Variants in SPATA12 observed in about 807,000 individuals in gnomAD.
SPATA12 encodes spermatogenesis associated 12, also known as spermatogenesis-associated protein 12.
For synonymous variants in SPATA12, 85 were observed against 89.2 expected (o/e 0.95, Z 0.26); for missense variants, 219 against 226.4 (o/e 0.97, Z 0.21).
chr3:57,071,404 G>A (rs950905028), intron 1 of SPATA12, among the ~76,000 whole-genome samples: 10 of 152,138 alleles, frequency 6.6e-5, no homozygotes, highest in Non-Finnish European at 1.3e-4. Flanking sequence ...GCTCATGCCT[G>A]TAATCCCAGC....
In SPATA12 at chr3:57,072,743, A is replaced by G. The variant is rs1289840415; in HGVS notation, c.-329-623A>G. On this transcript the variant is annotated intron_variant, in intron 1 of 1. Coordinates refer to ENST00000334325, the MANE Select transcript of SPATA12 (RefSeq NM_181727.2). ...GACTCTGTCAAAAAAAAAAAAAAAA[A>G]GAATAAAAATAAATAAAAACAAGCC... 9.0e-5 allele frequency among the ~76,000 whole-genome samples: 13 copies of G among 144,320 alleles called. No individual in the cohort carries two copies. In the East Asian group the frequency reaches 2.6e-3, roughly 28 times the overall value. The allele number at this position is 144,320 out of a possible 152,430, so 94.7% of individuals were successfully genotyped here.
intron 1 of SPATA12, among the ~76,000 whole-genome samples, chr3:57,062,265 T>G (rs1705262829): frequency 6.6e-6 from 1 of 152,088 alleles, no homozygotes. Flanking sequence ...GCTGGGTGAG[T>G]GCCTTCAAGC....
chr3:57,069,973 C>T (rs1400314355), intron 1 of SPATA12, among the ~76,000 whole-genome samples: 1 of 152,226 alleles, frequency 6.6e-6, no homozygotes, highest in African/African-American at 2.4e-5. Context: ...TGTGATATTA[C>T]TCCCTTTTTA....
chr3:57,071,555 G>A (rs1421842312), intron 1 of SPATA12, among the ~76,000 whole-genome samples: 1 of 151,750 alleles, frequency 6.6e-6, no homozygotes, highest in Non-Finnish European at 1.5e-5. Flanking sequence ...AGCTACTTGA[G>A]AGGCTGAGGC....
At position 57,074,156 on chromosome 3, in the gene SPATA12, G is replaced by A; in HGVS notation, c.462G>A (p.Glu154=). Residue 154 remains glutamate, a synonymous_variant, in exon 2 of 2, where the codon GAG becomes GAA. Coordinates refer to ENST00000334325, the MANE Select transcript of SPATA12 (RefSeq NM_181727.2). The part of the protein sequence containing the change: ...LWRLCEDIDA[E]PSSTGCSRSN... ...GACTGTGTGAGGATATAGATGCCGA[G>A]CCCAGTAGCACAGGGTGCAGCCGTT... The A allele has an allele frequency of 1.2e-6, 2 of 1,614,152 alleles. No individual in the cohort carries two copies. The highest frequency in any genetic ancestry group is 1.7e-6 in the Non-Finnish European group (2 of 1,180,034).
intron 1 of SPATA12, among the ~76,000 whole-genome samples, chr3:57,065,619 T>G (rs1705485187): frequency 6.6e-6 from 1 of 152,184 alleles, no homozygotes; most frequent in Non-Finnish European, 1.5e-5. Flanking sequence ...TAATTATACC[T>G]CAATAAAAAT....
At chr3:57,070,095 G>C (rs1705801151) in intron 1 of SPATA12, among the ~76,000 whole-genome samples, 1 of 152,204 alleles carries the variant, frequency 6.6e-6, no homozygotes, top group Admixed American at 6.5e-5. Flanking sequence ...TTGCCCAACA[G>C]ATAAAACAAG....
At chr3:57,068,790 GT>G (rs1373454133) in intron 1 of SPATA12, among the ~76,000 whole-genome samples, 1 of 151,968 alleles carries the variant, frequency 6.6e-6, no homozygotes, top group Non-Finnish European at 1.5e-5. Context: ...ATATCATTGT[GT>G]TTTTCCCCTA....
At chr3:57,067,803 C>A (rs1196097597) in intron 1 of SPATA12, among the ~76,000 whole-genome samples, 1 of 147,926 alleles carries the variant, frequency 6.8e-6, no homozygotes, top group Non-Finnish European at 1.5e-5. Flanking sequence ...CACGGTGAAA[C>A]CCCGTCTCTA....
intron 1 of SPATA12, among the ~76,000 whole-genome samples, chr3:57,065,282 T>G (rs897526443): frequency 6.6e-6 from 1 of 152,104 alleles, no homozygotes; most frequent in Non-Finnish European, 1.5e-5. Context: ...GCCAACATGG[T>G]GAAACCCTAT....
chr3:57,061,218 T>C lies in SPATA12; in HGVS notation c.-330+432T>C, dbSNP rs141537166. Among the ~76,000 whole-genome samples the C allele has an allele frequency of 3.9e-5, 6 of 152,334 alleles. No individual in the cohort carries two copies. In the East Asian group the frequency reaches 1.2e-3, roughly 29 times the overall value. On this transcript the variant is annotated intron_variant, in intron 1 of 1. Transcript: ENST00000334325. ...TCCAGGTACCCCCTGTAAGTGTCCT[T>C]TTGTGACTGACTTTTCTCATGTAGC...
At chr3:57,068,654 C>T (rs1208380627) in intron 1 of SPATA12, among the ~76,000 whole-genome samples, 1 of 152,150 alleles carries the variant, frequency 6.6e-6, no homozygotes, top group African/African-American at 2.4e-5. Flanking sequence ...CTCCCCACCC[C>T]CTTGGGAGAT....
Position 57,074,085 on chromosome 3 carries a change from G to T in SPATA12, c.391G>T (p.Gly131Cys). The change falls in exon 2 of 2, where the codon GGT (glycine) becomes TGT (cysteine). Residue 131 changes from glycine (G) to cysteine (C), a missense_variant. Coordinates refer to ENST00000334325, the MANE Select transcript of SPATA12 (RefSeq NM_181727.2). ...VIHNSTPQFL[G>C]MEDGDNERTT... ...TCATAACTCTACACCTCAATTTCTTGGTATGGAAGATGGGGATAATGAGAG... is the reference window on the plus strand; with the variant it reads ...TCATAACTCTACACCTCAATTTCTTTGTATGGAAGATGGGGATAATGAGAG... 6.2e-7 allele frequency: 1 copy of T among 1,614,022 alleles called. No homozygotes were observed. The highest frequency in any genetic ancestry group is 8.5e-7 in the Non-Finnish European group (1 of 1,179,906).
In SPATA12 at chr3:57,066,050, AAAC is replaced by A. The variant is rs984585693; in HGVS notation, c.-330+5265_-330+5267del. Among the ~76,000 whole-genome samples the A allele has an allele frequency of 3.1e-4, 29 of 93,008 alleles. No individual in the cohort carries two copies. In the East Asian group the frequency reaches 8.5e-3, roughly 27 times the overall value. The allele number at this position is 93,008 out of a possible 152,430, so 61.0% of individuals were successfully genotyped here. On this transcript the variant is annotated intron_variant, in intron 1 of 1. Coordinates refer to ENST00000334325, the MANE Select transcript of SPATA12 (RefSeq NM_181727.2). ...ACTCTGTCTCCAAAACAAAAAAAAA[AAAC>A]CCTAAAATGTAAGAAAAAATCCTTT... is the stretch of plus-strand genomic sequence containing the variant.
intron 1 of SPATA12, among the ~76,000 whole-genome samples, chr3:57,067,454 AAATAATAATAATAAT>A (rs10528636): frequency 5.0e-5 from 7 of 140,458 alleles, no homozygotes; most frequent in Non-Finnish European, 1.1e-4. Context: ...CTCTGTCTCA[AAATAATAATAATAAT>A]AATAATAATA....
intron 1 of SPATA12, among the ~76,000 whole-genome samples, chr3:57,070,716 T>C (rs957364754): frequency 1.3e-5 from 2 of 152,116 alleles, no homozygotes; most frequent in Non-Finnish European, 2.9e-5. Flanking sequence ...CCCAGCACTT[T>C]GGCAGGCCAA....
At chr3:57,071,481 G>A (rs1705899476) in intron 1 of SPATA12, among the ~76,000 whole-genome samples, 1 of 152,016 alleles carries the variant, frequency 6.6e-6, no homozygotes, top group Non-Finnish European at 1.5e-5. Flanking sequence ...CCAACATGGT[G>A]AAACCCCGTC....
At chr3:57,065,867 A>G (rs1705499314) in intron 1 of SPATA12, among the ~76,000 whole-genome samples, 1 of 152,160 alleles carries the variant, frequency 6.6e-6, no homozygotes, top group Admixed American at 6.6e-5. Context: ...AATTTGTTGC[A>G]GATAAATGGC....
At chr3:57,064,196 G>T (rs182185605) in intron 1 of SPATA12, among the ~76,000 whole-genome samples, 31 of 152,322 alleles carry the variant, frequency 2.0e-4, no homozygotes, top group African/African-American at 6.3e-4. Flanking sequence ...TTGAGCCTGG[G>T]GGGTAGAGGT....
Sources: gnomAD v4.1 joint callset for allele counts (sites outside exome capture counted in the v4.1 genomes callset) on GRCh38, gnomAD v4.1.1 for gene constraint, MANE v1.5 for transcripts, NCBI Gene and HGNC (gene_info 2026-07-23, HGNC 2026-07-21) for gene names.